The following KCNIP2 variants were observed in gnomAD, a reference collection of about 807,000 sequenced individuals.
KCNIP2 encodes the protein A-type potassium channel modulatory protein KCNIP2.
KCNIP2 carries 19 observed loss-of-function variants against 39.0 expected under a neutral mutation model. The observed-to-expected ratio is 0.49, with a 90% CI of 0.34 to 0.71. The LOEUF (loss-of-function observed/expected upper bound fraction) is 0.71, where lower values mean the gene tolerates loss of function less well. KCNIP2 is among the 30% of genes least tolerant of loss of function. The pLI, the probability that KCNIP2 is intolerant of heterozygous loss-of-function variation, is 0.01. For synonymous variants in KCNIP2, 111 were observed against 131.2 expected (o/e 0.85, Z 1.05); for missense variants, 261 against 346.0 (o/e 0.75, Z 1.95).
chr10:101,833,204 G>A (rs1037463701), intron 1 of KCNIP2, among the ~76,000 whole-genome samples: 11 of 151,056 alleles, frequency 7.3e-5, no homozygotes, highest in Non-Finnish European at 5.9e-5. Context: ...GCCATGCTAC[G>A]GAGTTACACA....
chr10:101,830,780 ACGCGCGCGGGCCTGGGG>A (rs2065957088), intron 2 of KCNIP2, among the ~76,000 whole-genome samples: 1 of 132,074 alleles, frequency 7.6e-6, no homozygotes, highest in African/African-American at 2.9e-5. Flanking sequence ...ACACACACAC[ACGCGCGCGGGCCTGGGG>A]CACGCCCTCC....
chr10:101,833,172 T>A (rs1375863211), intron 1 of KCNIP2, among the ~76,000 whole-genome samples: 1 of 151,850 alleles, frequency 6.6e-6, no homozygotes, highest in Non-Finnish European at 1.5e-5. Context: ...TGTCTTCCTG[T>A]CCCTGGTGGT....
rs780347053 is a variant in KCNIP2, at chr10:101,843,488, T to C, written c.73+8A>G. ...CTCCCTCCCGCGACCCCCACGTCAC[T>C]GACTCACCCGTGAGCTGGTCGTAGG... On this transcript the variant is annotated splice_region_variant and intron_variant, in intron 1 of 9. Transcript: ENST00000356640. This position sits in a 1 kb window ranked among gnomAD's most constrained non-coding sequence, Gnocchi z 6.7. 3 of 1,551,478 alleles carry C rather than the reference T, an allele frequency of 1.9e-6. No homozygotes were observed. The highest frequency in any genetic ancestry group is 5.0e-5 in the East Asian group (2 of 40,386).
At chr10:101,830,493 G>A in intron 2 of KCNIP2, 1 of 1,249,966 alleles carries the variant, frequency 8.0e-7, no homozygotes, top group East Asian at 6.0e-5. Context: ...CACAGGCTCA[G>A]GCCTCAGCCT....
In KCNIP2 at chr10:101,829,503, G is replaced by A. The variant is rs376654840; in HGVS notation, c.224-304C>T. 7.0e-5 allele frequency: 33 copies of A among 472,492 alleles called. No homozygotes were observed. In the East Asian group the frequency reaches 1.0e-3, roughly 14 times the overall value. The allele number at this position is 472,492 out of a possible 1,614,324, so 29.3% of individuals were successfully genotyped here. ...GGCCCCCAGCCGCATCTTCGTTTTA[G>A]AAAGGGAGGAGTGGGAAAAGCCAGT... On this transcript the variant is annotated intron_variant, in intron 3 of 9. Transcript: ENST00000356640.
chr10:101,828,572 C>T lies in KCNIP2; in HGVS notation c.418+55G>A, dbSNP rs961097554. The T allele has an allele frequency of 5.0e-6, 8 of 1,603,228 alleles. No individual in the cohort carries two copies. The African/African-American group carries it at 1.1e-4, about 21-fold the overall frequency. On this transcript the variant is annotated intron_variant, in intron 5 of 9. Transcript: ENST00000356640. The surrounding 1 kb of genome is among the most constrained non-coding windows in gnomAD (Gnocchi z 6.6). ...CATTCCCAGCTCCTCCAGAATCCCT[C>T]CCTCCCTCAGCCTAGAGAAGGACAA... is the stretch of plus-strand genomic sequence containing the variant.
At position 101,828,162 on chromosome 10, in the gene KCNIP2, T is replaced by A; in HGVS notation, c.586A>T (p.Ile196Phe). The change falls in exon 7 of 10, where the codon ATC becomes TTC. Residue 196 changes from isoleucine (I) to phenylalanine (F), a missense_variant. By Grantham distance (21) the Ile-to-Phe change is conservative (BLOSUM62 0). Transcript: ENST00000356640. The surrounding 1 kb of genome is among the most constrained non-coding windows in gnomAD (Gnocchi z 6.6). ...CAGTTGCCCTGCACCTCCTTGGTGA[T>A]GCAGCCGTCCTTGTTAAGGTCATAC... The part of the protein sequence containing the change: ...NLYDLNKDGC[I>F]TKEEMLDIMK... The A allele has an allele frequency of 6.2e-7, 1 of 1,613,958 alleles. No individual in the cohort carries two copies. Among genetic ancestry groups the A allele is most frequent in the Non-Finnish European group, 8.5e-7 (1 of 1,179,904 alleles).
intron 1 of KCNIP2, chr10:101,834,478 C>CCTCCCTCCCACT (rs1433977220): frequency 1.0e-5 from 4 of 397,948 alleles, no homozygotes; most frequent in African/African-American, 8.2e-5. Flanking sequence ...CTGCCTGCAG[C>CCTCCCTCCCACT]CTCCCTCCCA....
chr10:101,834,113 C>T (rs2066075175), intron 1 of KCNIP2, among the ~76,000 whole-genome samples: 1 of 151,984 alleles, frequency 6.6e-6, no homozygotes, highest in South Asian at 2.1e-4. Flanking sequence ...TGTTGTATCC[C>T]CCAAGCACCC....
In KCNIP2 at chr10:101,829,186, A is replaced by G. The variant is rs1564662561; in HGVS notation, c.237T>C (p.Asp79=). The G allele has an allele frequency of 6.2e-7, 1 of 1,613,608 alleles. No homozygotes were observed. The highest frequency in any genetic ancestry group is 8.5e-7 in the Non-Finnish European group (1 of 1,179,752). ...GACACACGGTGGACAATTCAAATTC[A>G]TCGTCCACGCTGTCTGCGGGAGCGG... ...PRLLDPDSVD[D]EFELSTVCHR... is the part of the protein sequence containing the mutation. Residue 79 remains aspartate, a synonymous_variant, in exon 4 of 10, where the codon GAT becomes GAC. Transcript: ENST00000356640.
At chr10:101,830,579 AC>A in intron 2 of KCNIP2, 2 of 610,522 alleles carry the variant, frequency 3.3e-6, no homozygotes, top group Non-Finnish European at 2.5e-6. Flanking sequence ...CTCCCAACTG[AC>A]CACGCCCACA....
In KCNIP2 at chr10:101,827,748, T is replaced by C; in HGVS notation, c.706A>G (p.Met236Val). 1 of 1,608,958 alleles carries C rather than the reference T, an allele frequency of 6.2e-7. No homozygotes were observed. The highest frequency in any genetic ancestry group is 8.5e-7 in the Non-Finnish European group (1 of 1,175,250). The change falls in exon 9 of 10, where the codon ATG becomes GTG. Residue 236 changes from methionine (M) to valine (V), a missense_variant. Met to Val is a conservative substitution (Grantham distance 21, BLOSUM62 1). Transcript: ENST00000356640. ...ACCACACCATCCTTGTTTCTGTCCA[T>C]CTTCTGCAAGAAGGTGGTCAGGCAG... ...REHVESFFQK[M>V]DRNKDGVVTI...
chr10:101,828,774 G>C lies in KCNIP2; in HGVS notation c.349-78C>G. The C allele has an allele frequency of 6.2e-7, 1 of 1,611,378 alleles. No individual in the cohort carries two copies. The highest frequency in any genetic ancestry group is 1.1e-5 in the South Asian group (1 of 90,806). Reference sequence around the variant, plus strand: ...ACCGCCCCCACCCTCCATGGCCCAAGACTCCCAGGGAGGGGGATAATCTTC... The same window carrying C: ...ACCGCCCCCACCCTCCATGGCCCAACACTCCCAGGGAGGGGGATAATCTTC... On this transcript the variant is annotated intron_variant, in intron 4 of 9. Coordinates refer to ENST00000356640, the MANE Select transcript of KCNIP2 (RefSeq NM_173191.3). This position sits in a 1 kb window ranked among gnomAD's most constrained non-coding sequence, Gnocchi z 6.6.
intron 1 of KCNIP2, among the ~76,000 whole-genome samples, chr10:101,835,393 C>T (rs1291761490): frequency 1.3e-5 from 2 of 152,102 alleles, no homozygotes; most frequent in Non-Finnish European, 2.9e-5. Context: ...CCCATCAGGA[C>T]CCTCTGGGGA....
chr10:101,843,616 G>A lies in KCNIP2; in HGVS notation c.-48C>T. Reference sequence around the variant, plus strand: ...CCCGGGCCGTGGGAGGGGGCGCCGGGTGGCCGGGATAGGGCGCTCACACGG... The same window carrying A: ...CCCGGGCCGTGGGAGGGGGCGCCGGATGGCCGGGATAGGGCGCTCACACGG... On this transcript the variant is annotated 5_prime_UTR_variant, in exon 1 of 10. Coordinates refer to ENST00000356640, the MANE Select transcript of KCNIP2 (RefSeq NM_173191.3). This position sits in a 1 kb window ranked among gnomAD's most constrained non-coding sequence, Gnocchi z 6.7. 3 of 1,230,638 alleles carry A rather than the reference G, an allele frequency of 2.4e-6. No individual in the cohort carries two copies. In the African/African-American group the frequency reaches 4.8e-5, roughly 20 times the overall value. 76.2% of individuals were successfully genotyped at this position (1,230,638 alleles called of 1,614,324 possible).
intron 1 of KCNIP2, among the ~76,000 whole-genome samples, chr10:101,831,448 C>T (rs752694230): frequency 9.2e-5 from 14 of 152,074 alleles, no homozygotes; most frequent in Non-Finnish European, 1.6e-4. Context: ...TGACCTAGTA[C>T]CCTTGGCTCA....
At chr10:101,837,444 G>A (rs2066197374) in intron 1 of KCNIP2, among the ~76,000 whole-genome samples, 1 of 152,162 alleles carries the variant, frequency 6.6e-6, no homozygotes, top group African/African-American at 2.4e-5. Flanking sequence ...GCCGAGGCGG[G>A]TGGATCACAA....
rs60274016 is a variant in KCNIP2 at position 101,843,699 on chromosome 10, T to G, written c.-131A>C. 1.1e-3 allele frequency: 542 copies of G among 472,820 alleles called. 3 individuals are homozygous for G. Among genetic ancestry groups the G allele is most frequent in the African/African-American group, 9.8e-3 (473 of 48,504 alleles). The allele number at this position is 472,820 out of a possible 1,614,324, so 29.3% of individuals were successfully genotyped here. ...TGGGGAAGTCCGGGCTGAGGCTGAG[T>G]CTGGGAATGGGCCCGGGGTCTGAGG... On this transcript the variant is annotated 5_prime_UTR_variant, in exon 1 of 10. Transcript: ENST00000356640. This position sits in a 1 kb window ranked among gnomAD's most constrained non-coding sequence, Gnocchi z 6.7.
chr10:101,831,274 G>A, intron 1 of KCNIP2, 107 bp from the exon 2 acceptor site: 1 of 871,072 alleles, frequency 1.1e-6, no homozygotes, highest in Non-Finnish European at 1.8e-6. Context: ...GACCGGGCTG[G>A]GGGAGGAATT....
Sources: gnomAD v4.1 joint callset for allele counts (sites outside exome capture counted in the v4.1 genomes callset) on GRCh38, gnomAD v4.1.1 for gene constraint, Gnocchi (gnomAD v3.1) non-coding constraint, MANE v1.5 for transcripts, NCBI Gene and HGNC (gene_info 2026-07-23, HGNC 2026-07-21) for gene names.